The following DTX1 variants were observed in gnomAD, a reference collection of about 807,000 sequenced individuals.
The protein encoded by DTX1 is deltex E3 ubiquitin ligase 1, also known as E3 ubiquitin-protein ligase DTX1.
DTX1 carries 26 observed loss-of-function variants against 57.8 expected under a neutral mutation model. The ratio of observed to expected loss-of-function variants is 0.45; its 90% CI spans 0.33 to 0.62. The LOEUF (loss-of-function observed/expected upper bound fraction) is 0.62. Ranked by LOEUF, DTX1 falls within the 20% of genes least tolerant of loss-of-function variation. DTX1 has a pLI of 0.02. For synonymous variants in DTX1, 398 were observed against 394.1 expected, an observed-to-expected ratio of 1.01 and a Z score of -0.12; for missense variants, 704 against 895.3, an observed-to-expected ratio of 0.79 and a Z score of 2.73.
At chr12:113,069,000 G>A (rs749977372) in intron 2 of DTX1, among the ~76,000 whole-genome samples, 12 of 152,158 alleles carry the variant, frequency 7.9e-5, no homozygotes, top group Admixed American at 3.9e-4. Context: ...GACAGTGATC[G>A]TAATAGTTAT....
In DTX1 at chr12:113,091,590, A is replaced by G. The variant is rs1950248144; in HGVS notation, c.942-1572A>G. Among the ~76,000 whole-genome samples the G allele has an allele frequency of 2.0e-5, 3 of 151,872 alleles. No individual in the cohort carries two copies. The East Asian group carries it at 5.8e-4, about 29-fold the overall frequency. ...CATGTGTGTATATTTGGATCTGTGG[A>G]TCTGTGTGGATGGTGTGTGCCCTGG... On this transcript the variant is annotated intron_variant, in intron 3 of 9. Transcript: ENST00000548759.
At chr12:113,062,179 G>A (rs556436858) in intron 2 of DTX1, among the ~76,000 whole-genome samples, 38 of 152,206 alleles carry the variant, frequency 2.5e-4, no homozygotes, top group African/African-American at 9.2e-4. Flanking sequence ...CATTGAAGCT[G>A]AACTTGAACT....
At chr12:113,078,184 G>A in intron 3 of DTX1, 79 bp downstream of exon 3, 3 of 1,085,656 alleles carry the variant, frequency 2.8e-6, no homozygotes, top group South Asian at 5.6e-5. Context: ...TGGCCACTAG[G>A]GCAGGAGCAA....
chr12:113,077,278 C>T lies in DTX1; in HGVS notation c.260-146C>T. 1 of 893,590 alleles carries T rather than the reference C, an allele frequency of 1.1e-6. No individual in the cohort carries two copies. 55.4% of individuals were successfully genotyped at this position (893,590 alleles called of 1,614,324 possible). ...TCCTTCCTCTCCGTGCATGTGTTGA[C>T]CCTCTCCCCAAGTCTGGGTGGACCC... is the stretch of plus-strand genomic sequence containing the variant. On this transcript the variant is annotated intron_variant, in intron 2 of 9. Transcript: ENST00000548759. This position sits in a 1 kb window ranked among gnomAD's most constrained non-coding sequence, Gnocchi z 7.8.
intron 2 of DTX1, among the ~76,000 whole-genome samples, chr12:113,067,235 G>A (rs2044709714): frequency 6.6e-6 from 1 of 151,746 alleles, no homozygotes; most frequent in Non-Finnish European, 1.5e-5. Flanking sequence ...AGCAGAGCAC[G>A]GTAAGAGGAA....
intron 2 of DTX1, among the ~76,000 whole-genome samples, chr12:113,072,696 C>CTTTTTTTTTT (rs60642403): frequency 4.2e-5 from 3 of 71,110 alleles, no homozygotes; most frequent in African/African-American, 1.6e-4. Flanking sequence ...GAGAGATTTT[C>CTTTTTTTTTT]TTTTTTTTTT....
Position 113,093,203 on chromosome 12 carries a change from C to T in DTX1, c.983C>T (p.Pro328Leu). Residue 328 changes from proline to leucine, a missense_variant, in exon 4 of 10, where the codon CCG becomes CTG. By Grantham distance (98) the Pro-to-Leu change is moderately conservative. Coordinates refer to ENST00000548759, the MANE Select transcript of DTX1 (RefSeq NM_004416.3). This position sits in a 1 kb window ranked among gnomAD's most constrained non-coding sequence, Gnocchi z 4.2. ...LPVKNLNGTG[P>L]VHPALAGMTG... ...GTGAAGAACTTGAATGGTACTGGGCCGGTCCATCCGGCCCTGGCAGGTGAG... is the reference window on the plus strand; with the variant it reads ...GTGAAGAACTTGAATGGTACTGGGCTGGTCCATCCGGCCCTGGCAGGTGAG... 6.3e-7 allele frequency: 1 copy of T among 1,596,780 alleles called. No individual in the cohort carries two copies.
In DTX1 at chr12:113,095,181, A is replaced by G; in HGVS notation, c.1526A>G (p.Tyr509Cys). The G allele has an allele frequency of 6.2e-7, 1 of 1,608,646 alleles. No individual in the cohort carries two copies. Among genetic ancestry groups the G allele is most frequent in the Non-Finnish European group, 8.5e-7 (1 of 1,175,520 alleles). The change falls in exon 8 of 10, where the codon TAT becomes TGT. Residue 509 changes from tyrosine (Y) to cysteine (C), a missense_variant. Coordinates refer to ENST00000548759, the MANE Select transcript of DTX1 (RefSeq NM_004416.3). ...GATACCCAGACCATCCGCATCGTCTATGACATCCCCACAGGCATCCAGGTG... is the reference window on the plus strand; with the variant it reads ...GATACCCAGACCATCCGCATCGTCTGTGACATCCCCACAGGCATCCAGGTG... ...FPDTQTIRIV[Y>C]DIPTGIQGPE...
At chr12:113,079,694 CTG>C (rs71086139) in intron 3 of DTX1, among the ~76,000 whole-genome samples, 15,667 of 131,824 alleles carry the variant, frequency 0.12, 1,048 homozygotes, top group African/African-American at 0.2. Flanking sequence ...TTCCCGGCTA[CTG>C]TGTGTGTGTG....
chr12:113,091,121 G>A (rs887608322), intron 3 of DTX1, among the ~76,000 whole-genome samples: 3 of 152,290 alleles, frequency 2.0e-5, no homozygotes, highest in South Asian at 4.1e-4. Context: ...GGAGAGGGGC[G>A]GCAGTAGCAG....
At chr12:113,074,730 T>G (rs772719370) in intron 2 of DTX1, among the ~76,000 whole-genome samples, 2 of 152,258 alleles carry the variant, frequency 1.3e-5, no homozygotes, top group South Asian at 2.1e-4. Context: ...GCAGGAGAGA[T>G]AACATGGCGG....
At position 113,093,968 on chromosome 12, in the gene DTX1, C is replaced by G; in HGVS notation, c.1166-70C>G. On this transcript the variant is annotated intron_variant, in intron 5 of 9. Transcript: ENST00000548759. The surrounding 1 kb of genome is among the most constrained non-coding windows in gnomAD (Gnocchi z 4.2). ...TGACCCCTGCCCTCTGACCCCTGAC[C>G]CAGTTCTGAGCCAAGCCTTCGGGGA... 6.5e-7 allele frequency: 1 copy of G among 1,548,494 alleles called. No individual in the cohort carries two copies. The highest frequency in any genetic ancestry group is 1.4e-5 in the African/African-American group (1 of 73,392).
chr12:113,086,314 C>G (rs1393424357), intron 3 of DTX1, among the ~76,000 whole-genome samples: 1 of 150,824 alleles, frequency 6.6e-6, no homozygotes, highest in Non-Finnish European at 1.5e-5. Flanking sequence ...ACATGCCAGA[C>G]AGCAGAACAG....
rs540067669 is a variant in DTX1 at position 113,086,877 on chromosome 12, C to T, written c.942-6285C>T. ...CACTGGTGTGCAGTGACTGTCACCC[C>T]GCCTCACCGCTGCTGCAAGGTCAAA... On this transcript the variant is annotated intron_variant, in intron 3 of 9. Coordinates refer to ENST00000548759, the MANE Select transcript of DTX1 (RefSeq NM_004416.3). Among the ~76,000 whole-genome samples the T allele has an allele frequency of 3.9e-4, 59 of 150,250 alleles. No individual in the cohort carries two copies. In the East Asian group the frequency reaches 9.2e-3, roughly 24 times the overall value.
At chr12:113,095,672 T>C in intron 9 of DTX1, 1 of 485,254 alleles carries the variant, frequency 2.1e-6, no homozygotes, top group Non-Finnish European at 3.7e-6. Flanking sequence ...TTGACTGTGG[T>C]CACAGAGAAA....
intron 2 of DTX1, among the ~76,000 whole-genome samples, chr12:113,065,966 G>C (rs1331012027): frequency 6.6e-6 from 1 of 152,146 alleles, no homozygotes; most frequent in Non-Finnish European, 1.5e-5. Context: ...CGCCACCTCT[G>C]TCTCTCCCTG....
At chr12:113,091,673 C>G (rs2136066317) in intron 3 of DTX1, among the ~76,000 whole-genome samples, 1 of 138,254 alleles carries the variant, frequency 7.2e-6, no homozygotes, top group African/African-American at 2.5e-5. Context: ...GCCAAGGGCA[C>G]CATTTGCTTG....
At chr12:113,087,828 G>C (rs370402537) in intron 3 of DTX1, among the ~76,000 whole-genome samples, 30 of 152,154 alleles carry the variant, frequency 2.0e-4, no homozygotes, top group African/African-American at 6.7e-4. Context: ...GGAGGGGAGA[G>C]ATAAGGAGAC....
intron 2 of DTX1, among the ~76,000 whole-genome samples, chr12:113,063,567 G>A (rs1055650091): frequency 6.6e-5 from 10 of 152,246 alleles, no homozygotes; most frequent in African/African-American, 2.4e-4. Context: ...TGCCCCTTCT[G>A]CTGATGGGAT....
Sources: gnomAD v4.1 joint callset for allele counts (sites outside exome capture counted in the v4.1 genomes callset) on GRCh38, gnomAD v4.1.1 for gene constraint, Gnocchi (gnomAD v3.1) non-coding constraint, MANE v1.5 for transcripts, NCBI Gene and HGNC (gene_info 2026-07-23, HGNC 2026-07-21) for gene names.